Variants in RUFY2 observed in about 807,000 individuals in gnomAD.
The protein encoded by RUFY2 is RUN and FYVE domain containing 2.
A neutral mutation model predicts 94.4 loss-of-function variants in RUFY2; 49 were observed. That is an observed-to-expected ratio of 0.52 (90% CI 0.41 to 0.66). The LOEUF is 0.66. RUFY2 is among the 30% of genes least tolerant of loss of function. The pLI, the probability that RUFY2 is intolerant of heterozygous loss-of-function variation, is 0.00. For synonymous variants in RUFY2, 255 were observed against 235.7 expected, an observed-to-expected ratio of 1.08 and a Z score of -0.75; for missense variants, 541 against 692.8, an observed-to-expected ratio of 0.78 and a Z score of 2.46.
At chr10:68,394,162 T>C in intron 5 of RUFY2, 26 bp from the exon 6 acceptor site, 1 of 1,485,518 alleles carries the variant, frequency 6.7e-7, no homozygotes, top group Non-Finnish European at 9.0e-7. Context: ...TTTTTTTTAA[T>C]TTAAAGGGGA....
intron 15 of RUFY2, among the ~76,000 whole-genome samples, chr10:68,362,891 G>A (rs75649357): frequency 0.036 from 5,403 of 152,146 alleles, 292 homozygotes; most frequent in African/African-American, 0.12. Flanking sequence ...ATGAAGTTAA[G>A]CCCTGTCTCC....
chr10:68,354,082 G>A (rs2046881488), intron 16 of RUFY2, among the ~76,000 whole-genome samples: 1 of 152,146 alleles, frequency 6.6e-6, no homozygotes, highest in Non-Finnish European at 1.5e-5. Context: ...AGCTAGGGCA[G>A]ATAAAGGGCA....
intron 15 of RUFY2, among the ~76,000 whole-genome samples, 163 bp downstream of exon 15, chr10:68,363,427 G>A (rs112024116): frequency 0.045 from 6,774 of 152,188 alleles, 491 homozygotes; most frequent in African/African-American, 0.15. Context: ...CACCCGCCTC[G>A]GCCAGGAATT....
At chr10:68,366,097 C>T (rs543832781) in intron 13 of RUFY2, among the ~76,000 whole-genome samples, 3 of 152,022 alleles carry the variant, frequency 2.0e-5, no homozygotes, top group Non-Finnish European at 4.4e-5. Context: ...GAGGCCAAAG[C>T]GGGCAGATCT....
intron 1 of RUFY2, among the ~76,000 whole-genome samples, chr10:68,405,174 ATGG>A (rs1196117101): frequency 5.9e-5 from 9 of 152,024 alleles, no homozygotes; most frequent in Non-Finnish European, 1.2e-4. Context: ...TTAGCTGGGC[ATGG>A]TGGTGCGCGG....
intron 7 of RUFY2, among the ~76,000 whole-genome samples, chr10:68,391,910 G>A (rs2050018093): frequency 6.6e-6 from 1 of 151,262 alleles, no homozygotes; most frequent in Non-Finnish European, 1.5e-5. Flanking sequence ...AGGTTGCAGT[G>A]AGCTGAGACG....
At chr10:68,372,367 C>A (rs2048339156) in intron 13 of RUFY2, among the ~76,000 whole-genome samples, 1 of 151,724 alleles carries the variant, frequency 6.6e-6, no homozygotes, top group East Asian at 1.9e-4. Flanking sequence ...GCCACTACAC[C>A]CCAGCCTGGG....
rs541415650 is a variant in RUFY2, at chr10:68,344,272, T to A, written c.*1496A>T. Reference sequence around the variant, plus strand: ...GAAGCATATATTCATGAAGAAAAGATCCTGCAGTATTAATAAGAACTCCTT... The same window carrying A: ...GAAGCATATATTCATGAAGAAAAGAACCTGCAGTATTAATAAGAACTCCTT... On this transcript the variant is annotated 3_prime_UTR_variant, in exon 18 of 18. Coordinates refer to ENST00000602465, the MANE Select transcript of RUFY2 (RefSeq NM_001330103.2). 6.6e-6 allele frequency: 1 copy of A among 152,274 alleles called. No individual in the cohort carries two copies. The highest frequency in any genetic ancestry group is 1.9e-4 in the East Asian group (1 of 5,190). The allele number at this position is 152,274 out of a possible 1,614,324, so 9.4% of individuals were successfully genotyped here.
chr10:68,407,121 G>A lies in RUFY2; in HGVS notation c.4+65C>T. ...TCTCCCCCAGCTCCCAGTCCACCCC[G>A]CCTGGCCGCGGCCCTCAGCCCGGGA... On this transcript the variant is annotated intron_variant, in intron 1 of 17. Coordinates refer to ENST00000602465, the MANE Select transcript of RUFY2 (RefSeq NM_001330103.2). The A allele has an allele frequency of 4.0e-6, 6 of 1,514,768 alleles. No individual in the cohort carries two copies. In the South Asian group the frequency reaches 7.4e-5, roughly 19 times the overall value. 93.8% of individuals were successfully genotyped at this position (1,514,768 alleles called of 1,614,324 possible).
chr10:68,349,733 T>C lies in RUFY2; in HGVS notation c.1600-3649A>G, dbSNP rs184013316. Reference sequence around the variant, plus strand: ...TTTTGTATTTTTAGTAGAGACGGGGTTTCACCGTGTTAGCCAGGATGGTCT... The same window carrying C: ...TTTTGTATTTTTAGTAGAGACGGGGCTTCACCGTGTTAGCCAGGATGGTCT... On this transcript the variant is annotated intron_variant, in intron 16 of 17. Transcript: ENST00000602465. 8.0e-3 allele frequency among the ~76,000 whole-genome samples: 1,213 copies of C among 151,796 alleles called. 26 individuals carry two copies. The highest frequency in any genetic ancestry group is 0.028 in the African/African-American group (1,143 of 41,394).
Position 68,404,709 on chromosome 10 carries a change from A to G in RUFY2, c.140T>C (p.Phe47Ser), listed in dbSNP as rs768627157. The change falls in exon 2 of 18, where the codon TTT becomes TCT. Residue 47 changes from phenylalanine to serine, a missense_variant. Physicochemically the swap from Phe to Ser is radical, Grantham distance 155. Transcript: ENST00000602465. ...TTTCAGGCAATGTTCCATAACAACA[A>G]AGAATTGCTGCAAGGGGGGATAGTC... ...DSDYPPLQQF[F>S]VVMEHCLKHG... is the part of the protein sequence containing the mutation. 1 of 1,612,746 alleles carries G rather than the reference A, an allele frequency of 6.2e-7. No homozygotes were observed. Among genetic ancestry groups the G allele is most frequent in the Non-Finnish European group, 8.5e-7 (1 of 1,179,550 alleles).
intron 16 of RUFY2, among the ~76,000 whole-genome samples, chr10:68,350,976 G>T (rs1320084145): frequency 2.0e-5 from 3 of 152,138 alleles, no homozygotes; most frequent in Admixed American, 1.3e-4. Flanking sequence ...CTCCTAAAGT[G>T]CTGGGACTGC....
rs139765965 is a variant in RUFY2 at position 68,375,447 on chromosome 10, A to G, written c.1325+1406T>C. ...TACCTAGTAACAAGACTTCACATGT[A>G]CCCCCAAACCTAAAATAAAAGTTAA... On this transcript the variant is annotated intron_variant, in intron 13 of 17. Transcript: ENST00000602465. Among the ~76,000 whole-genome samples, 894 of 151,640 alleles carry G rather than the reference A, an allele frequency of 5.9e-3. 11 individuals are homozygous for G. Among genetic ancestry groups the G allele is most frequent in the African/African-American group, 0.021 (849 of 41,262 alleles).
At position 68,384,129 on chromosome 10, in the gene RUFY2, G is replaced by A; in HGVS notation, c.744C>T (p.Ile248=). 6.2e-7 allele frequency: 1 copy of A among 1,610,006 alleles called. No homozygotes were observed. ...GATGATTTTCTTCCTGGAGTTTAATGATGTTATTCTTTGCTATTGCTAACT... is the reference window on the plus strand; with the variant it reads ...GATGATTTTCTTCCTGGAGTTTAATAATGTTATTCTTTGCTATTGCTAACT... The part of the protein sequence containing the change: ...IEELAIAKNN[I]IKLQEENHQL... The change falls in exon 9 of 18, where the codon ATC becomes ATT. Residue 248 remains isoleucine, a synonymous_variant. Transcript: ENST00000602465.
intron 7 of RUFY2, among the ~76,000 whole-genome samples, chr10:68,391,565 T>C (rs1381459205): frequency 6.6e-6 from 1 of 150,982 alleles, no homozygotes; most frequent in Non-Finnish European, 1.5e-5. Context: ...GGAGGACTGC[T>C]TGAGCCTGCA....
At chr10:68,354,797 A>T (rs1469693266) in intron 16 of RUFY2, among the ~76,000 whole-genome samples, 1 of 152,062 alleles carries the variant, frequency 6.6e-6, no homozygotes, top group Non-Finnish European at 1.5e-5. Context: ...ATTTCACTCT[A>T]TCATGCCATA....
intron 4 of RUFY2, among the ~76,000 whole-genome samples, chr10:68,395,151 A>T (rs1200522367): frequency 6.6e-6 from 1 of 152,000 alleles, no homozygotes; most frequent in Non-Finnish European, 1.5e-5. Flanking sequence ...CAACCTGGCC[A>T]ACATGGTGAA....
chr10:68,379,535 C>G lies in RUFY2; in HGVS notation c.1108-14G>C. 1 of 1,576,604 alleles carries G rather than the reference C, an allele frequency of 6.3e-7. No individual in the cohort carries two copies. The highest frequency in any genetic ancestry group is 8.7e-7 in the Non-Finnish European group (1 of 1,151,758). On this transcript the variant is annotated splice_polypyrimidine_tract_variant and intron_variant, in intron 11 of 17. Transcript: ENST00000602465. ...ATCTTCAGAACCCTATTTATAAAAA[C>G]AAAAGCTATGGTGGTTTTGATTTGT...
At chr10:68,391,326 C>T (rs1194557565) in intron 7 of RUFY2, among the ~76,000 whole-genome samples, 1 of 151,714 alleles carries the variant, frequency 6.6e-6, no homozygotes, top group African/African-American at 2.4e-5. Flanking sequence ...GTTTTTTTTA[C>T]ATTTTTATTA....
Sources: allele counts gnomAD v4.1 joint callset (sites outside exome capture counted in the v4.1 genomes callset), GRCh38; gene constraint gnomAD v4.1.1; transcripts MANE v1.5; gene names NCBI Gene and HGNC (gene_info 2026-07-23, HGNC 2026-07-21).